ASAP2: variants seen among roughly 807,000 people sequenced by gnomAD.
ASAP2 encodes ArfGAP with SH3 domain, ankyrin repeat and PH domain 2, also known as arf-GAP with SH3 domain, ANK repeat and PH domain-containing protein 2.
Under a neutral mutation model 131.4 loss-of-function variants are expected in ASAP2, and 45 were observed. The ratio of observed to expected loss-of-function variants is 0.34; its 90% confidence interval spans 0.27 to 0.44. The LOEUF (loss-of-function observed/expected upper bound fraction) is 0.44, where lower values mean the gene tolerates loss of function less well. Ranked by LOEUF, ASAP2 falls within the 20% of genes least tolerant of loss-of-function variation. The pLI, the probability that ASAP2 is intolerant of heterozygous loss-of-function variation, is 1.00. For missense variants in ASAP2, 1,011 were observed against 1,297.0 expected (o/e 0.78, Z 3.39); for synonymous variants, 510 against 503.0 (o/e 1.01, Z -0.19).
intron 1 of ASAP2, among the ~76,000 whole-genome samples, chr2:9,218,399 A>C (rs1256782617): frequency 6.6e-6 from 1 of 152,230 alleles, no homozygotes; most frequent in Non-Finnish European, 1.5e-5. Flanking sequence ...GAACACTGTC[A>C]CTGTGTGACA....
intron 1 of ASAP2, among the ~76,000 whole-genome samples, chr2:9,225,192 A>G (rs1662675055): frequency 6.6e-6 from 1 of 152,224 alleles, no homozygotes; most frequent in Non-Finnish European, 1.5e-5. Context: ...TGCAAAGTCT[A>G]AAATATTTAT....
chr2:9,226,340 A>G (rs1662766950), intron 1 of ASAP2, among the ~76,000 whole-genome samples: 1 of 152,202 alleles, frequency 6.6e-6, no homozygotes, highest in South Asian at 2.1e-4. Context: ...CCTTATGCAC[A>G]GTAATTGCCA....
At chr2:9,398,494 G>A (rs1010380537) in intron 24 of ASAP2, among the ~76,000 whole-genome samples, 1 of 151,446 alleles carries the variant, frequency 6.6e-6, no homozygotes, top group African/African-American at 2.4e-5. Context: ...TGGGTAATAG[G>A]GCAGGACCCT....
intron 1 of ASAP2, among the ~76,000 whole-genome samples, chr2:9,240,465 C>G (rs1663884911): frequency 6.6e-6 from 1 of 151,986 alleles, no homozygotes; most frequent in African/African-American, 2.4e-5. Flanking sequence ...AGGCTGGTCT[C>G]AAACTCCTGG....
intron 1 of ASAP2, among the ~76,000 whole-genome samples, chr2:9,273,919 C>T (rs1666578243): frequency 6.6e-6 from 1 of 152,138 alleles, no homozygotes; most frequent in African/African-American, 2.4e-5. Flanking sequence ...AGTCCCCAGG[C>T]AGGAAGAGGG....
At chr2:9,273,219 T>C (rs1558286283) in intron 1 of ASAP2, among the ~76,000 whole-genome samples, 1 of 152,238 alleles carries the variant, frequency 6.6e-6, no homozygotes, top group African/African-American at 2.4e-5. Flanking sequence ...CTCTTCAATT[T>C]CTTACATCAT....
rs1001187813 is a variant in ASAP2, at chr2:9,404,958, CAT to C, written c.*1633_*1634del. 2.0e-5 allele frequency: 3 copies of C among 152,370 alleles called. No individual in the cohort carries two copies. The highest frequency in any genetic ancestry group is 2.0e-4 in the Admixed American group (3 of 15,244). The allele number at this position is 152,370 out of a possible 1,614,324, so 9.4% of individuals were successfully genotyped here. A position where few individuals can be genotyped will look rare whatever the true frequency, so the allele number is the denominator to read the frequency against. On this transcript the variant is annotated 3_prime_UTR_variant, in exon 28 of 28. Coordinates refer to ENST00000281419, the MANE Select transcript of ASAP2 (RefSeq NM_003887.3). ...GTTTGAACCCTTCATTTAATTTTCTCATAGATTTAAGTAAACAGATGTATTTT... is the reference window on the plus strand; with the variant it reads ...GTTTGAACCCTTCATTTAATTTTCTCAGATTTAAGTAAACAGATGTATTTT...
chr2:9,289,444 G>T lies in ASAP2; in HGVS notation c.200-7856G>T, dbSNP rs142333654. On this transcript the variant is annotated intron_variant, in intron 2 of 27. Coordinates refer to ENST00000281419, the MANE Select transcript of ASAP2 (RefSeq NM_003887.3). ...ATTGGATTTTATTCTTTAGTAACCA[G>T]AAATATTCTTGACCCGTAATGGAAG... Among the ~76,000 whole-genome samples, 1,131 of 152,238 alleles carry T rather than the reference G, an allele frequency of 7.4e-3. 12 individuals carry two copies. Among genetic ancestry groups the T allele is most frequent in the Non-Finnish European group, 9.0e-3 (613 of 68,022 alleles).
intron 21 of ASAP2, 144 bp downstream of exon 21, chr2:9,385,502 T>C: frequency 1.5e-6 from 1 of 676,200 alleles, no homozygotes; most frequent in South Asian, 1.9e-5. Flanking sequence ...CTCAGTAGGC[T>C]CTTGGTTTTA....
chr2:9,234,841 C>T (rs1352082999), intron 1 of ASAP2, among the ~76,000 whole-genome samples: 1 of 152,178 alleles, frequency 6.6e-6, no homozygotes, highest in Non-Finnish European at 1.5e-5. Flanking sequence ...CATATTGTCT[C>T]TTTGTTCTCA....
At chr2:9,337,493 G>A (rs906811584) in intron 9 of ASAP2, among the ~76,000 whole-genome samples, 1 of 152,180 alleles carries the variant, frequency 6.6e-6, no homozygotes, top group African/African-American at 2.4e-5. Flanking sequence ...TTAGACAACT[G>A]AAGGTGTTAA....
At chr2:9,239,044 C>T (rs1327915771) in intron 1 of ASAP2, among the ~76,000 whole-genome samples, 3 of 152,128 alleles carry the variant, frequency 2.0e-5, no homozygotes, top group South Asian at 2.1e-4. Flanking sequence ...TGTCCCGTGG[C>T]GTTAGCAGCA....
Position 9,403,352 on chromosome 2 carries a change from C to G in ASAP2, c.*25C>G, listed in dbSNP as rs1676915240. ...AATTGCTACTGAACAAAAGCATTAA[C>G]AGTTATGTTCCTGTTTCGTTATTGG... On this transcript the variant is annotated 3_prime_UTR_variant, in exon 28 of 28. Coordinates refer to ENST00000281419, the MANE Select transcript of ASAP2 (RefSeq NM_003887.3). The G allele has an allele frequency of 6.2e-7, 1 of 1,607,134 alleles. No homozygotes were observed. Among genetic ancestry groups the G allele is most frequent in the South Asian group, 1.1e-5 (1 of 90,742 alleles).
Position 9,269,411 on chromosome 2 carries a change from T to C in ASAP2, c.127-9906T>C, listed in dbSNP as rs563128501. 9.2e-5 allele frequency among the ~76,000 whole-genome samples: 14 copies of C among 152,356 alleles called. No individual in the cohort carries two copies. The South Asian group carries it at 2.9e-3, about 32-fold the overall frequency. On this transcript the variant is annotated intron_variant, in intron 1 of 27. Coordinates refer to ENST00000281419, the MANE Select transcript of ASAP2 (RefSeq NM_003887.3). Reference sequence around the variant, plus strand: ...TCCCGCAGGCCGTGTGTGCCCACCCTGAGCCAGGTCATCTCCTCAGATAGT... The same window carrying C: ...TCCCGCAGGCCGTGTGTGCCCACCCCGAGCCAGGTCATCTCCTCAGATAGT...
At chr2:9,239,862 G>C (rs772091111) in intron 1 of ASAP2, among the ~76,000 whole-genome samples, 4 of 152,014 alleles carry the variant, frequency 2.6e-5, no homozygotes, top group Non-Finnish European at 5.9e-5. Flanking sequence ...GAGTAGCTTG[G>C]ACTCCAGGTG....
intron 6 of ASAP2, among the ~76,000 whole-genome samples, chr2:9,326,508 A>G (rs1394139658): frequency 6.6e-6 from 1 of 152,184 alleles, no homozygotes; most frequent in African/African-American, 2.4e-5. Context: ...TAAAAATAGT[A>G]TATACTTTTA....
intron 1 of ASAP2, among the ~76,000 whole-genome samples, chr2:9,274,583 A>G (rs1666626420): frequency 6.6e-6 from 1 of 152,098 alleles, no homozygotes; most frequent in African/African-American, 2.4e-5. Context: ...TCGGCCTCCC[A>G]AAGTGCTGGG....
chr2:9,363,623 G>A (rs1280760092), intron 15 of ASAP2, among the ~76,000 whole-genome samples: 2 of 151,940 alleles, frequency 1.3e-5, no homozygotes, highest in African/African-American at 4.8e-5. Flanking sequence ...TTGCTCTGTC[G>A]CCCAGGCTGG....
At chr2:9,229,697 G>T (rs1663019597) in intron 1 of ASAP2, among the ~76,000 whole-genome samples, 2 of 152,236 alleles carry the variant, frequency 1.3e-5, no homozygotes, top group East Asian at 3.8e-4. Flanking sequence ...GGAGGGAATT[G>T]GTTGAGTAAG....
Sources: gnomAD v4.1 joint callset for allele counts (sites outside exome capture counted in the v4.1 genomes callset) on GRCh38, gnomAD v4.1.1 for gene constraint, MANE v1.5 for transcripts, NCBI Gene and HGNC (gene_info 2026-07-23, HGNC 2026-07-21) for gene names.